Variants in KCNAB2 observed in about 807,000 individuals in gnomAD.
KCNAB2 encodes potassium voltage-gated channel subfamily A regulatory beta subunit 2, also known as voltage-gated potassium channel subunit beta-2.
Under a neutral mutation model 63.6 loss-of-function variants are expected in KCNAB2, and 29 were observed. That is an observed-to-expected ratio of 0.46 (90% CI 0.34 to 0.62). The LOEUF is 0.62. Ranked by LOEUF, KCNAB2 falls within the 20% of genes least tolerant of loss-of-function variation. The probability of loss-of-function intolerance (pLI) is 0.01; values close to 1 mark genes in which losing one functional copy is unlikely to be tolerated. For synonymous variants in KCNAB2, 222 were observed against 224.2 expected, an observed-to-expected ratio of 0.99 and a Z score of 0.09; for missense variants, 359 against 563.9, an observed-to-expected ratio of 0.64 and a Z score of 3.68.
intron 1 of KCNAB2, among the ~76,000 whole-genome samples, chr1:6,019,912 G>A (rs1042493786): frequency 6.6e-5 from 10 of 152,212 alleles, no homozygotes; most frequent in Non-Finnish European, 1.0e-4. Context: ...GTCAATCTCC[G>A]GAGGGCGGAG....
At chr1:6,083,097 T>C (rs892391314) in intron 5 of KCNAB2, among the ~76,000 whole-genome samples, 1 of 151,994 alleles carries the variant, frequency 6.6e-6, no homozygotes, top group Admixed American at 6.5e-5. Context: ...GCTGGGACCC[T>C]CAAACCGCCT....
intron 1 of KCNAB2, 104 bp from the exon 2 acceptor site, chr1:6,051,407 T>C: frequency 7.5e-7 from 1 of 1,330,350 alleles, no homozygotes; most frequent in South Asian, 1.7e-5. Flanking sequence ...GTGGCACTAG[T>C]TAAAGGATGT....
intron 15 of KCNAB2, 50 bp from the exon 16 acceptor site, chr1:6,098,435 A>T (rs1387122612): frequency 6.2e-7 from 1 of 1,608,064 alleles, no homozygotes; most frequent in Admixed American, 1.7e-5. Context: ...TCCCCAGGCC[A>T]GGCCCGTCTT....
chr1:6,089,990 C>G (rs1370698696), intron 8 of KCNAB2, among the ~76,000 whole-genome samples: 1 of 152,242 alleles, frequency 6.6e-6, no homozygotes, highest in African/African-American at 2.4e-5. Flanking sequence ...GCATGGGCCA[C>G]CACGCCCGAC....
upstream of KCNAB2, among the ~76,000 whole-genome samples, chr1:6,042,843 A>AC (rs1157271557): frequency 0.3 from 8,537 of 28,836 alleles, 1,401 homozygotes; most frequent in East Asian, 0.43. Flanking sequence ...CCCACTCCCC[A>AC]CCCCCCCCCC....
chr1:6,043,547 G>T (rs571478075), upstream of KCNAB2, among the ~76,000 whole-genome samples: 1 of 152,196 alleles, frequency 6.6e-6, no homozygotes, highest in Admixed American at 6.5e-5. Flanking sequence ...CATCCTACCC[G>T]TTGGATCTCC....
intron 1 of KCNAB2, among the ~76,000 whole-genome samples, chr1:5,997,754 C>T (rs1254841799): frequency 6.6e-6 from 1 of 152,124 alleles, no homozygotes; most frequent in African/African-American, 2.4e-5. Context: ...TTCTTGCCAC[C>T]CCTCCCAGAT....
chr1:5,995,406 G>A (rs576026902), intron 1 of KCNAB2, among the ~76,000 whole-genome samples: 3 of 152,364 alleles, frequency 2.0e-5, no homozygotes, highest in Admixed American at 2.0e-4. Context: ...TGTCCGAGCT[G>A]GGGGAAGCCA....
At chr1:6,051,433 C>A (rs962047892) in intron 1 of KCNAB2, 78 bp from the exon 2 acceptor site, 1 of 1,406,744 alleles carries the variant, frequency 7.1e-7, no homozygotes. Flanking sequence ...TGCAGCTGCC[C>A]CCTGCCCCAG....
intron 1 of KCNAB2, among the ~76,000 whole-genome samples, chr1:6,049,506 C>T (rs1661211263): frequency 6.6e-6 from 1 of 152,190 alleles, no homozygotes; most frequent in Non-Finnish European, 1.5e-5. Context: ...CGCAGCCCCC[C>T]CACCCCCGGG....
intron 1 of KCNAB2, among the ~76,000 whole-genome samples, chr1:6,010,660 C>G (rs1283551528): frequency 6.6e-6 from 1 of 152,204 alleles, no homozygotes; most frequent in South Asian, 2.1e-4. Flanking sequence ...GCTGAGGAGT[C>G]CCTCCTCGTC....
intron 1 of KCNAB2, 105 bp from the exon 2 acceptor site, chr1:6,051,406 G>A: frequency 3.0e-6 from 4 of 1,346,576 alleles, no homozygotes; most frequent in Non-Finnish European, 3.9e-6. Context: ...GGTGGCACTA[G>A]TTAAAGGATG....
At chr1:6,076,058 TGCCTGAA>T (rs1663634348) in intron 4 of KCNAB2, among the ~76,000 whole-genome samples, 1 of 152,268 alleles carries the variant, frequency 6.6e-6, no homozygotes, top group Non-Finnish European at 1.5e-5. Flanking sequence ...TGGCCCACAG[TGCCTGAA>T]GCATTTACTA....
intron 1 of KCNAB2, among the ~76,000 whole-genome samples, chr1:5,997,571 T>C (rs115268237): frequency 0.015 from 2,324 of 152,296 alleles, 47 homozygotes; most frequent in African/African-American, 0.05. Context: ...TCCTTCACCA[T>C]GAATGTGTTT....
chr1:6,062,052 C>A (rs923559891), intron 2 of KCNAB2, among the ~76,000 whole-genome samples: 1 of 151,892 alleles, frequency 6.6e-6, no homozygotes, highest in South Asian at 2.1e-4. Context: ...GTGGCTCACG[C>A]CTGTAATCCC....
rs1009067838 is a variant in KCNAB2 at position 6,087,037 on chromosome 1, TC to T, written c.426-424del. Among the ~76,000 whole-genome samples the T allele has an allele frequency of 2.6e-5, 4 of 151,800 alleles. No homozygotes were observed. The highest frequency in any genetic ancestry group is 9.7e-5 in the African/African-American group (4 of 41,306). On this transcript the variant is annotated intron_variant, in intron 6 of 15. Coordinates refer to ENST00000378083, the MANE Select transcript of KCNAB2 (RefSeq NM_001199862.2). This position sits in a 1 kb window ranked among gnomAD's most constrained non-coding sequence, Gnocchi z 6.4. ...CTTTCCATCCTCAACTCCTGCCAGA[TC>T]CCCCCAGAGCCCGCCCCTGCCCCCT...
Position 6,094,877 on chromosome 1 carries a change from G to A in KCNAB2, c.732+392G>A, listed in dbSNP as rs904670030. Among the ~76,000 whole-genome samples the A allele has an allele frequency of 2.0e-5, 3 of 152,218 alleles. 1 individual carries two copies. Among genetic ancestry groups the A allele is most frequent in the Non-Finnish European group, 4.4e-5 (3 of 68,038 alleles). ...ACAACACCGTCAGCTGTTTCCACTG[G>A]GCTCCTGAGACGTGCCCGGTGCTGT... On this transcript the variant is annotated intron_variant, in intron 11 of 15. Transcript: ENST00000378083.
intron 1 of KCNAB2, among the ~76,000 whole-genome samples, chr1:5,993,557 G>A (rs1208411121): frequency 6.6e-6 from 1 of 152,296 alleles, no homozygotes; most frequent in East Asian, 1.9e-4. Flanking sequence ...CTGCTGCACC[G>A]CGTCCTGCGG....
At chr1:6,009,491 T>C (rs940976852) in intron 1 of KCNAB2, among the ~76,000 whole-genome samples, 2 of 152,274 alleles carry the variant, frequency 1.3e-5, no homozygotes, top group Admixed American at 1.3e-4. Flanking sequence ...CAAAGCCTCT[T>C]GCCAGGACTG....
Sources: gnomAD v4.1 joint callset for allele counts (sites outside exome capture counted in the v4.1 genomes callset) on GRCh38, gnomAD v4.1.1 for gene constraint, Gnocchi (gnomAD v3.1) non-coding constraint, MANE v1.5 for transcripts, NCBI Gene and HGNC (gene_info 2026-07-23, HGNC 2026-07-21) for gene names.